The following PLG variants were observed in gnomAD, a reference collection of about 807,000 sequenced individuals.
PLG encodes plasminogen.
Under a neutral mutation model 104.4 loss-of-function variants are expected in PLG, and 41 were observed. That is an observed-to-expected ratio of 0.39 (90% CI 0.31 to 0.51). The LOEUF is 0.51. Among genes scored for constraint, PLG ranks in the 20% least tolerant of loss-of-function variants. PLG has a pLI of 0.76. For missense variants in PLG, 891 were observed against 1,003.6 expected (o/e 0.89, Z 1.52); for synonymous variants, 337 against 357.1 (o/e 0.94, Z 0.63).
Position 160,714,901 on chromosome 6 carries a change from T to C in PLG, c.655T>C (p.Tyr219His), listed in dbSNP as rs151092364. Reference protein sequence around the residue: ...WDSQSPHAHGYIPSKFPNKNL... With the variant: ...WDSQSPHAHGHIPSKFPNKNL... ...CTCTCAGAGCCCACACGCTCATGGA[T>C]ACATTCCTTCCAAGTAAGTCTCACT... Residue 219 changes from tyrosine to histidine, a missense_variant, in exon 6 of 19, where the codon TAC becomes CAC. Physicochemically the swap from Tyr to His is moderately conservative, Grantham distance 83. Transcript: ENST00000308192. 7.3e-5 allele frequency: 118 copies of C among 1,613,764 alleles called. No individual in the cohort carries two copies. The highest frequency in any genetic ancestry group is 3.3e-4 in the Middle Eastern group (2 of 6,052).
chr6:160,751,724 AT>A (rs1194401558), intron 17 of PLG, among the ~76,000 whole-genome samples: 2 of 152,238 alleles, frequency 1.3e-5, no homozygotes, highest in Admixed American at 1.3e-4. Flanking sequence ...GAGTGAAAAA[AT>A]CAAGATGTGA....
chr6:160,707,909 A>C, intron 3 of PLG, 103 bp downstream of exon 3: 2 of 1,020,894 alleles, frequency 2.0e-6, no homozygotes, highest in East Asian at 2.4e-5. Context: ...GGAGGAAGGC[A>C]CTATCGTGTT....
At chr6:160,749,393 TCAC>T (rs1272421554) in intron 17 of PLG, among the ~76,000 whole-genome samples, 3 of 148,824 alleles carry the variant, frequency 2.0e-5, no homozygotes, top group Non-Finnish European at 3.0e-5. Context: ...ATCATCACTA[TCAC>T]CACCACCATC....
At chr6:160,716,084 G>A (rs777312474) in intron 6 of PLG, among the ~76,000 whole-genome samples, 6 of 152,228 alleles carry the variant, frequency 3.9e-5, no homozygotes, top group Non-Finnish European at 8.8e-5. Flanking sequence ...GAGCCTGGTA[G>A]ACCAGAAGGA....
Position 160,737,493 on chromosome 6 carries a change from A to G in PLG, c.1802+486A>G, listed in dbSNP as rs927078831. Reference sequence around the variant, plus strand: ...AATTCAATGCAGAGGCTACTCATCCATTCGCAAACAAAAAAATTCTAGGTC... The same window carrying G: ...AATTCAATGCAGAGGCTACTCATCCGTTCGCAAACAAAAAAATTCTAGGTC... On this transcript the variant is annotated intron_variant, in intron 14 of 18. Transcript: ENST00000308192. This position sits in a 1 kb window ranked among gnomAD's most constrained non-coding sequence, Gnocchi z 4.7. Among the ~76,000 whole-genome samples, 4 of 152,342 alleles carry G rather than the reference A, an allele frequency of 2.6e-5. No homozygotes were observed. In the South Asian group the frequency reaches 8.3e-4, roughly 32 times the overall value.
In PLG at chr6:160,738,995, C is replaced by T. The variant is rs1458546143; in HGVS notation, c.1878-73C>T. The T allele has an allele frequency of 6.3e-6, 10 of 1,586,032 alleles. No individual in the cohort carries two copies. The highest frequency in any genetic ancestry group is 1.8e-4 in the Middle Eastern group (1 of 5,528). On this transcript the variant is annotated intron_variant, in intron 15 of 18. Coordinates refer to ENST00000308192, the MANE Select transcript of PLG (RefSeq NM_000301.5). The surrounding 1 kb of genome is among the most constrained non-coding windows in gnomAD (Gnocchi z 6.8). ...GGCCAAGGGTGTCAGGGAGACAGCACCAATTTCATGGCACAGAGGTTACCT... is the reference window on the plus strand; with the variant it reads ...GGCCAAGGGTGTCAGGGAGACAGCATCAATTTCATGGCACAGAGGTTACCT...
chr6:160,731,990 T>C lies in PLG; in HGVS notation c.1587+97T>C, dbSNP rs1390460498. ...ACAGAAAATCTGACCTGGACTGCTCTTTTTTGTAATGGGGGAGAGGGGACA... is the reference window on the plus strand; with the variant it reads ...ACAGAAAATCTGACCTGGACTGCTCCTTTTTGTAATGGGGGAGAGGGGACA... On this transcript the variant is annotated intron_variant, in intron 12 of 18. Coordinates refer to ENST00000308192, the MANE Select transcript of PLG (RefSeq NM_000301.5). The surrounding 1 kb of genome is among the most constrained non-coding windows in gnomAD (Gnocchi z 5.1). The C allele has an allele frequency of 1.6e-6, 2 of 1,224,532 alleles. No individual in the cohort carries two copies. Among genetic ancestry groups the C allele is most frequent in the African/African-American group, 1.5e-5 (1 of 67,618 alleles). The allele number at this position is 1,224,532 out of a possible 1,614,324, so 75.9% of individuals were successfully genotyped here.
chr6:160,720,880 G>A (rs901593386), intron 9 of PLG, among the ~76,000 whole-genome samples: 3 of 151,878 alleles, frequency 2.0e-5, no homozygotes, highest in Admixed American at 6.6e-5. Context: ...CATAAATCTT[G>A]TAAGCTTGTT....
rs753006781 is a variant in PLG, at chr6:160,714,927, G to A, written c.668+13G>A. ...ACATTCCTTCCAAGTAAGTCTCACT[G>A]GGAAAAACATTCCATGTTTAATTAA... On this transcript the variant is annotated intron_variant, in intron 6 of 18. Coordinates refer to ENST00000308192, the MANE Select transcript of PLG (RefSeq NM_000301.5). The A allele has an allele frequency of 1.2e-6, 2 of 1,612,204 alleles. No homozygotes were observed. Among genetic ancestry groups the A allele is most frequent in the African/African-American group, 1.3e-5 (1 of 74,884 alleles).
intron 12 of PLG, among the ~76,000 whole-genome samples, chr6:160,733,363 G>A (rs753922510): frequency 3.9e-5 from 6 of 152,126 alleles, no homozygotes; most frequent in Admixed American, 6.5e-5. Context: ...CTTTGGTGCT[G>A]GGGCTCTAAG....
chr6:160,703,558 G>T (rs1056161533), intron 1 of PLG, among the ~76,000 whole-genome samples: 1 of 152,138 alleles, frequency 6.6e-6, no homozygotes, highest in Non-Finnish European at 1.5e-5. Flanking sequence ...AATAATGTAC[G>T]CTTGAAATTC....
chr6:160,724,097 A>G lies in PLG; in HGVS notation c.1256+1530A>G, dbSNP rs533795796. On this transcript the variant is annotated intron_variant, in intron 10 of 18. Coordinates refer to ENST00000308192, the MANE Select transcript of PLG (RefSeq NM_000301.5). This position sits in a 1 kb window ranked among gnomAD's most constrained non-coding sequence, Gnocchi z 5.0. ...CTAAATTTATAACTTTACCAGACAT[A>G]CAAAAAGCATTTACTGTGATCCATA... Among the ~76,000 whole-genome samples the G allele has an allele frequency of 3.6e-4, 55 of 152,358 alleles. No individual in the cohort carries two copies. The highest frequency in any genetic ancestry group is 6.9e-4 in the Non-Finnish European group (47 of 68,030).
chr6:160,709,898 T>C (rs9458012), intron 3 of PLG, among the ~76,000 whole-genome samples: 50,677 of 152,142 alleles, frequency 0.33, 9,434 homozygotes, highest in Middle Eastern at 0.51. Context: ...AATGATGGTG[T>C]AAATATACCT....
rs1778417917 is a variant in PLG, at chr6:160,752,339, G to C, written c.2271+79G>C. 7.3e-7 allele frequency: 1 copy of C among 1,376,508 alleles called. No individual in the cohort carries two copies. Among genetic ancestry groups the C allele is most frequent in the African/African-American group, 1.4e-5 (1 of 70,132 alleles). The allele number at this position is 1,376,508 out of a possible 1,614,324, so 85.3% of individuals were successfully genotyped here. On this transcript the variant is annotated intron_variant, in intron 18 of 18. Coordinates refer to ENST00000308192, the MANE Select transcript of PLG (RefSeq NM_000301.5). This position sits in a 1 kb window ranked among gnomAD's most constrained non-coding sequence, Gnocchi z 4.7. ...CAGCCCCTCAGACTTCATTCCCCAG[G>C]TGGCAAATTCAAGGATTTTCAACCG...
At position 160,706,513 on chromosome 6, in the gene PLG, A is replaced by G; in HGVS notation, c.156A>G (p.Lys52=). 3 of 1,613,934 alleles carry G rather than the reference A, an allele frequency of 1.9e-6. No individual in the cohort carries two copies. Among genetic ancestry groups the G allele is most frequent in the Non-Finnish European group, 1.7e-6 (2 of 1,179,830 alleles). ...GAGSIEECAA[K]CEEDEEFTCR... ...GAAGTATAGAAGAATGTGCAGCAAA[A>G]TGTGAGGAGGACGAAGAATTCACCT... is the stretch of plus-strand genomic sequence containing the variant. The change falls in exon 2 of 19, where the codon AAA becomes AAG. Residue 52 remains lysine (K), a synonymous_variant. Transcript: ENST00000308192.
At chr6:160,718,648 T>C in intron 8 of PLG, 45 bp from the exon 9 acceptor site, 3 of 1,606,696 alleles carry the variant, frequency 1.9e-6, no homozygotes, top group Non-Finnish European at 2.6e-6. Context: ...TTCCCTAGAC[T>C]TTTTTCTTTT....
chr6:160,702,454 A>G, intron 1 of PLG, 101 bp downstream of exon 1: 1 of 1,344,066 alleles, frequency 7.4e-7, no homozygotes, highest in South Asian at 1.3e-5. Flanking sequence ...TTAATTTTTG[A>G]TTCATGAAAC....
At position 160,738,509 on chromosome 6, in the gene PLG, C is replaced by G. The variant is rs1392290750; in HGVS notation, c.1803-29C>G. 2.9e-6 allele frequency: 4 copies of G among 1,395,900 alleles called. No homozygotes were observed. The highest frequency in any genetic ancestry group is 4.1e-6 in the Non-Finnish European group (4 of 980,786). 86.5% of individuals were successfully genotyped at this position (1,395,900 alleles called of 1,614,324 possible). On this transcript the variant is annotated intron_variant, in intron 14 of 18. Transcript: ENST00000308192. The surrounding 1 kb of genome is among the most constrained non-coding windows in gnomAD (Gnocchi z 6.8). ...GGAGCAGAACAAAGTATCAATTTAA[C>G]TAAAATTTGAACTAAATCCTCTTTC...
At position 160,714,846 on chromosome 6, in the gene PLG, C is replaced by G; in HGVS notation, c.600C>G (p.Thr200=). ...ACTATGACGGCAAAATTTCCAAGACCATGTCTGGACTGGAATGCCAGGCCT... is the reference window on the plus strand; with the variant it reads ...ACTATGACGGCAAAATTTCCAAGACGATGTCTGGACTGGAATGCCAGGCCT... ...GENYDGKISK[T]MSGLECQAWD... The change falls in exon 6 of 19, where the codon ACC becomes ACG. Residue 200 remains threonine (T), a synonymous_variant. Coordinates refer to ENST00000308192, the MANE Select transcript of PLG (RefSeq NM_000301.5). 6.2e-7 allele frequency: 1 copy of G among 1,612,410 alleles called. No individual in the cohort carries two copies. The highest frequency in any genetic ancestry group is 8.5e-7 in the Non-Finnish European group (1 of 1,178,454).
Sources: gnomAD v4.1 joint callset for allele counts (sites outside exome capture counted in the v4.1 genomes callset) on GRCh38, gnomAD v4.1.1 for gene constraint, Gnocchi (gnomAD v3.1) non-coding constraint, MANE v1.5 for transcripts, NCBI Gene and HGNC (gene_info 2026-07-23, HGNC 2026-07-21) for gene names.